The following SYNDIG1 variants were observed in gnomAD, a reference collection of about 807,000 sequenced individuals.
The protein encoded by SYNDIG1 is synapse differentiation-inducing gene protein 1.
SYNDIG1 carries 9 observed loss-of-function variants against 19.4 expected under a neutral mutation model. The ratio of observed to expected loss-of-function variants is 0.46; its 90% confidence interval spans 0.28 to 0.81. The LOEUF is 0.81. SYNDIG1 is among the 30% of genes least tolerant of loss of function. The probability of loss-of-function intolerance (pLI) is 0.12; values close to 1 mark genes in which losing one functional copy is unlikely to be tolerated. For missense variants in SYNDIG1, 311 were observed against 343.3 expected (o/e 0.91, Z 0.74); for synonymous variants, 141 against 145.9 (o/e 0.97, Z 0.24).
chr20:24,492,085 C>T (rs1600421364), intron 1 of SYNDIG1, among the ~76,000 whole-genome samples: 1 of 152,202 alleles, frequency 6.6e-6, no homozygotes, highest in South Asian at 2.1e-4. Context: ...AGGCCCCCGG[C>T]CGGCTCCGTG....
intron 2 of SYNDIG1, among the ~76,000 whole-genome samples, chr20:24,582,508 C>T (rs2058347553): frequency 6.7e-6 from 1 of 150,104 alleles, no homozygotes; most frequent in African/African-American, 2.5e-5. Context: ...ATCCTCCCCC[C>T]TGCATATCCT....
chr20:24,659,528 G>C (rs943622042), intron 3 of SYNDIG1, among the ~76,000 whole-genome samples: 1 of 152,250 alleles, frequency 6.6e-6, no homozygotes, highest in Admixed American at 6.5e-5. Flanking sequence ...GCCCAGACAG[G>C]AGCCTTTCCC....
intron 2 of SYNDIG1, among the ~76,000 whole-genome samples, chr20:24,550,651 G>A (rs1327047288): frequency 6.6e-6 from 1 of 152,052 alleles, no homozygotes; most frequent in African/African-American, 2.4e-5. Flanking sequence ...TGGGACTACA[G>A]GCGCCCGCCA....
At chr20:24,586,649 T>C (rs1195861234) in intron 3 of SYNDIG1, among the ~76,000 whole-genome samples, 2 of 152,176 alleles carry the variant, frequency 1.3e-5, no homozygotes, top group Non-Finnish European at 2.9e-5. Context: ...GCCTCCCTTG[T>C]ACACTCCAGC....
chr20:24,655,590 C>T (rs183791301), intron 3 of SYNDIG1, among the ~76,000 whole-genome samples: 32 of 152,228 alleles, frequency 2.1e-4, no homozygotes, highest in Admixed American at 2.0e-3. Flanking sequence ...GAGAAGTATC[C>T]AAAGACATTG....
chr20:24,475,963 C>A (rs955641759), intron 1 of SYNDIG1, among the ~76,000 whole-genome samples: 1 of 151,810 alleles, frequency 6.6e-6, no homozygotes, highest in African/African-American at 2.4e-5. Flanking sequence ...CGGGTTCAAG[C>A]GATTCTTCCA....
chr20:24,663,954 C>T (rs531691507), intron 3 of SYNDIG1, among the ~76,000 whole-genome samples: 10 of 152,262 alleles, frequency 6.6e-5, no homozygotes, highest in Admixed American at 2.0e-4. Context: ...TGGCTCACCA[C>T]GACTTCATTC....
At position 24,543,597 on chromosome 20, in the gene SYNDIG1, A is replaced by G; in HGVS notation, c.480+20A>G. The G allele has an allele frequency of 6.3e-7, 1 of 1,594,160 alleles. No individual in the cohort carries two copies. Among genetic ancestry groups the G allele is most frequent in the Non-Finnish European group, 8.5e-7 (1 of 1,176,204 alleles). ...CTGGAGGTCACAGGATGTGTTTGTC[A>G]GAGGCCCTCTAAGAATGTGTGATGG... On this transcript the variant is annotated intron_variant, in intron 2 of 3. Coordinates refer to ENST00000376862, the MANE Select transcript of SYNDIG1 (RefSeq NM_024893.3).
intron 1 of SYNDIG1, among the ~76,000 whole-genome samples, chr20:24,488,237 G>T (rs1298214600): frequency 6.6e-6 from 1 of 152,208 alleles, no homozygotes. Flanking sequence ...GAGAGGAAGT[G>T]TGGGAAATAA....
intron 1 of SYNDIG1, among the ~76,000 whole-genome samples, chr20:24,523,667 G>A (rs568172490): frequency 6.6e-6 from 1 of 152,234 alleles, no homozygotes; most frequent in South Asian, 2.1e-4. Flanking sequence ...GGGAAATTTT[G>A]TTTTGCTTTA....
chr20:24,552,924 CA>C, intron 2 of SYNDIG1, among the ~76,000 whole-genome samples: 1 of 152,292 alleles, frequency 6.6e-6, no homozygotes, highest in African/African-American at 2.4e-5. Flanking sequence ...ACAGTCCCAC[CA>C]ACAGTGTAAA....
intron 3 of SYNDIG1, among the ~76,000 whole-genome samples, chr20:24,657,272 G>T (rs1408120200): frequency 6.6e-6 from 1 of 152,220 alleles, no homozygotes; most frequent in Non-Finnish European, 1.5e-5. Flanking sequence ...AGCAGCCGCA[G>T]TTCCCGTGTA....
intron 3 of SYNDIG1, among the ~76,000 whole-genome samples, chr20:24,625,775 A>G (rs2059116117): frequency 6.6e-6 from 1 of 152,236 alleles, no homozygotes; most frequent in Admixed American, 6.5e-5. Context: ...TTCTACACAG[A>G]CACAGCAACC....
At chr20:24,506,067 C>G (rs1468392700) in intron 1 of SYNDIG1, among the ~76,000 whole-genome samples, 2 of 152,224 alleles carry the variant, frequency 1.3e-5, no homozygotes, top group African/African-American at 2.4e-5. Flanking sequence ...TATGACTTAG[C>G]TCCCACCAAC....
chr20:24,517,676 G>GTATATGTATATATATATACACATA (rs2056909870), intron 1 of SYNDIG1, among the ~76,000 whole-genome samples: 1 of 141,712 alleles, frequency 7.1e-6, no homozygotes, highest in Admixed American at 7.2e-5. Context: ...ATATATATGT[G>GTATATGTATATATATATACACATA]TATATGTATA....
At chr20:24,540,726 T>A (rs1205217552) in intron 1 of SYNDIG1, among the ~76,000 whole-genome samples, 1 of 152,228 alleles carries the variant, frequency 6.6e-6, no homozygotes, top group East Asian at 1.9e-4. Context: ...ATTTTAACCC[T>A]CCTTGCATTC....
At chr20:24,587,291 A>G (rs1275469219) in intron 3 of SYNDIG1, among the ~76,000 whole-genome samples, 3 of 152,172 alleles carry the variant, frequency 2.0e-5, no homozygotes, top group Non-Finnish European at 4.4e-5. Flanking sequence ...AAACTACAAC[A>G]GAGAAGAGGT....
intron 2 of SYNDIG1, among the ~76,000 whole-genome samples, chr20:24,553,219 C>A (rs78910157): frequency 0.27 from 40,277 of 151,016 alleles, 5,635 homozygotes; most frequent in East Asian, 0.56. Context: ...AGCCCTTTGT[C>A]AGATGAGCAG....
In SYNDIG1 at chr20:24,505,320, C is replaced by T. The variant is rs111833772; in HGVS notation, c.-79+35567C>T. On this transcript the variant is annotated intron_variant, in intron 1 of 3. Transcript: ENST00000376862. ...TTCTCTCAAGGAGAAGGAAGATGCC[C>T]AGGGTGTCATATTTGTCTGAGGTCA... 1.2e-3 allele frequency among the ~76,000 whole-genome samples: 190 copies of T among 152,238 alleles called. 2 individuals are homozygous for T. The highest frequency in any genetic ancestry group is 4.3e-3 in the African/African-American group (177 of 41,554).
Sources: allele counts gnomAD v4.1 joint callset (sites outside exome capture counted in the v4.1 genomes callset), GRCh38; gene constraint gnomAD v4.1.1; transcripts MANE v1.5; gene names NCBI Gene and HGNC (gene_info 2026-07-23, HGNC 2026-07-21).